Variants in EYS observed in about 807,000 individuals in gnomAD.
The protein encoded by EYS is EGF-like photoreceptor maintenance factor, also known as protein eyes shut homolog.
Under a neutral mutation model 282.1 loss-of-function variants are expected in EYS, and 250 were observed. The ratio of observed to expected loss-of-function variants is 0.89; its 90% CI spans 0.80 to 0.98. The LOEUF (loss-of-function observed/expected upper bound fraction) is 0.98, where lower values mean the gene tolerates loss of function less well. Among genes scored for constraint, EYS ranks in the 50% least tolerant of loss-of-function variants. EYS has a pLI of 0.00. For synonymous variants in EYS, 1,355 were observed against 1,282.9 expected, an observed-to-expected ratio of 1.06 and a Z score of -1.20; for missense variants, 4,016 against 3,709.0, an observed-to-expected ratio of 1.08 and a Z score of -2.15.
At chr6:64,410,849 G>GT (rs1773865751) in intron 28 of EYS, among the ~76,000 whole-genome samples, 1 of 152,090 alleles carries the variant, frequency 6.6e-6, no homozygotes, top group African/African-American at 2.4e-5. Flanking sequence ...TCTGTGCACT[G>GT]TTAAAGGACA....
chr6:63,982,903 C>T (rs1369547032), intron 35 of EYS, among the ~76,000 whole-genome samples: 1 of 151,848 alleles, frequency 6.6e-6, no homozygotes, highest in Non-Finnish European at 1.5e-5. Context: ...ATATTTCAGA[C>T]ATTAACACAG....
At chr6:64,841,487 GTAGTTGAT>G (rs1765561921) in intron 19 of EYS, among the ~76,000 whole-genome samples, 1 of 152,136 alleles carries the variant, frequency 6.6e-6, no homozygotes, top group Non-Finnish European at 1.5e-5. Flanking sequence ...GCCAGGAAAT[GTAGTTGAT>G]GCTGGGAAGG....
rs1215199587 is a variant in EYS, at chr6:64,848,305, T to C, written c.2993-25483A>G. Among the ~76,000 whole-genome samples, 5 of 152,114 alleles carry C rather than the reference T, an allele frequency of 3.3e-5. No individual in the cohort carries two copies. In the East Asian group the frequency reaches 9.6e-4, roughly 29 times the overall value. Reference sequence around the variant, plus strand: ...TATTATGTTTTTTTATAATTTCTAATAACAAGATTATGCTTTGATCATTTA... The same window carrying C: ...TATTATGTTTTTTTATAATTTCTAACAACAAGATTATGCTTTGATCATTTA... On this transcript the variant is annotated intron_variant, in intron 19 of 42. Coordinates refer to ENST00000503581, the MANE Select transcript of EYS (RefSeq NM_001142800.2).
chr6:65,027,504 G>A (rs955436646), intron 13 of EYS, among the ~76,000 whole-genome samples: 8 of 152,124 alleles, frequency 5.3e-5, no homozygotes, highest in Non-Finnish European at 1.5e-5. Flanking sequence ...TACCATCACA[G>A]GACTGGATTA....
chr6:65,630,313 A>AT (rs1766866195), intron 2 of EYS, among the ~76,000 whole-genome samples: 1 of 152,206 alleles, frequency 6.6e-6, no homozygotes, highest in Non-Finnish European at 1.5e-5. Context: ...AGATTCACGG[A>AT]TTTTAGTTAG....
chr6:64,079,518 C>G (rs75801437), intron 32 of EYS, among the ~76,000 whole-genome samples: 1 of 152,012 alleles, frequency 6.6e-6, no homozygotes, highest in South Asian at 2.1e-4. Context: ...AGGAGCAAAT[C>G]GTTTGGGAAA....
At chr6:64,077,614 T>C (rs1484481181) in intron 32 of EYS, among the ~76,000 whole-genome samples, 1 of 152,032 alleles carries the variant, frequency 6.6e-6, no homozygotes, top group Non-Finnish European at 1.5e-5. Context: ...CTCATGTAAT[T>C]TGCCTCCTGG....
intron 7 of EYS, among the ~76,000 whole-genome samples, chr6:65,401,636 A>C (rs962907415): frequency 7.2e-5 from 11 of 151,848 alleles, no homozygotes; most frequent in Non-Finnish European, 1.6e-4. Flanking sequence ...GTCACATTTC[A>C]AAAGGTTAAT....
chr6:65,618,600 T>C (rs1364308239), intron 2 of EYS, among the ~76,000 whole-genome samples: 1 of 152,244 alleles, frequency 6.6e-6, no homozygotes, highest in African/African-American at 2.4e-5. Context: ...GCCATTGCTT[T>C]TGGTGTTTTA....
At chr6:64,704,391 A>G (rs1397944069) in intron 22 of EYS, among the ~76,000 whole-genome samples, 1 of 146,118 alleles carries the variant, frequency 6.8e-6, no homozygotes, top group Admixed American at 7.0e-5. Context: ...AATTGTATCT[A>G]GTTGCAGGGT....
At chr6:65,435,909 G>T (rs1407960068) in intron 5 of EYS, among the ~76,000 whole-genome samples, 1 of 152,034 alleles carries the variant, frequency 6.6e-6, no homozygotes, top group Non-Finnish European at 1.5e-5. Context: ...CCATTTAAAA[G>T]CCGAAAACAG....
At position 64,549,502 on chromosome 6, in the gene EYS, T is replaced by G. The variant is rs377041546; in HGVS notation, c.5644+40721A>C. 4.6e-5 allele frequency among the ~76,000 whole-genome samples: 7 copies of G among 152,352 alleles called. No individual in the cohort carries two copies. The South Asian group carries it at 1.4e-3, about 32-fold the overall frequency. On this transcript the variant is annotated intron_variant, in intron 26 of 42. Coordinates refer to ENST00000503581, the MANE Select transcript of EYS (RefSeq NM_001142800.2). ...TGAGATGGTTAAGGAAAGGCAATGC[T>G]AATCAATGATGTGGCCAATTCTTTC...
intron 28 of EYS, among the ~76,000 whole-genome samples, chr6:64,427,745 T>C (rs892111343): frequency 3.3e-5 from 5 of 152,128 alleles, no homozygotes; most frequent in South Asian, 4.1e-4. Flanking sequence ...GCAACCATTA[T>C]GTATACTTCA....
chr6:64,596,932 A>G (rs2149835635), intron 24 of EYS, among the ~76,000 whole-genome samples: 1 of 152,330 alleles, frequency 6.6e-6, no homozygotes, highest in East Asian at 1.9e-4. Context: ...AACCTGCAGA[A>G]TGAGAAAAAA....
At chr6:64,282,353 C>G (rs972375311) in intron 30 of EYS, among the ~76,000 whole-genome samples, 3 of 152,190 alleles carry the variant, frequency 2.0e-5, no homozygotes, top group Admixed American at 2.0e-4. Context: ...TAGAGTCAAC[C>G]TTTTGCGTAT....
At chr6:64,463,777 A>G (rs1775833291) in intron 26 of EYS, among the ~76,000 whole-genome samples, 1 of 152,214 alleles carries the variant, frequency 6.6e-6, no homozygotes, top group Non-Finnish European at 1.5e-5. Context: ...GATAGCAAAT[A>G]AGAAGATTGA....
At chr6:65,045,871 G>A (rs1773085950) in intron 13 of EYS, among the ~76,000 whole-genome samples, 1 of 151,810 alleles carries the variant, frequency 6.6e-6, no homozygotes. Flanking sequence ...AACAGCTAGG[G>A]ATGTAGTTGG....
At chr6:64,544,634 A>G (rs961392885) in intron 26 of EYS, among the ~76,000 whole-genome samples, 1 of 152,200 alleles carries the variant, frequency 6.6e-6, no homozygotes, top group Admixed American at 6.5e-5. Flanking sequence ...GAAGACTAAT[A>G]AAGAAGAAAA....
intron 28 of EYS, among the ~76,000 whole-genome samples, chr6:64,392,954 C>T (rs1442312062): frequency 6.6e-6 from 1 of 152,062 alleles, no homozygotes; most frequent in Non-Finnish European, 1.5e-5. Flanking sequence ...ATATCACCAC[C>T]AATCCCACAG....
Sources: gnomAD v4.1 joint callset for allele counts (sites outside exome capture counted in the v4.1 genomes callset) on GRCh38, gnomAD v4.1.1 for gene constraint, MANE v1.5 for transcripts, NCBI Gene and HGNC (gene_info 2026-07-23, HGNC 2026-07-21) for gene names.